The following CPXM2 variants were observed in gnomAD, a reference collection of about 807,000 sequenced individuals.
CPXM2 encodes the protein inactive carboxypeptidase-like protein X2.
In CPXM2, 66 loss-of-function variants were observed where a neutral mutation model predicts 86.1. The observed-to-expected ratio is 0.77, with a 90% CI of 0.63 to 0.94. The LOEUF (loss-of-function observed/expected upper bound fraction) is 0.94, where lower values mean the gene tolerates loss of function less well. CPXM2 is among the 40% of genes least tolerant of loss of function. The pLI is 0.00. For synonymous variants in CPXM2, 388 were observed against 400.2 expected, an observed-to-expected ratio of 0.97 and a Z score of 0.36; for missense variants, 948 against 1,026.3, an observed-to-expected ratio of 0.92 and a Z score of 1.04.
At chr10:123,833,830 A>T (rs1848219392) in intron 4 of CPXM2, among the ~76,000 whole-genome samples, 1 of 152,150 alleles carries the variant, frequency 6.6e-6, no homozygotes, top group Non-Finnish European at 1.5e-5. Flanking sequence ...AAGATAGAGG[A>T]ATGGGGTAGG....
At chr10:123,748,435 G>A (rs1846009782) in intron 13 of CPXM2, among the ~76,000 whole-genome samples, 1 of 152,188 alleles carries the variant, frequency 6.6e-6, no homozygotes, top group South Asian at 2.1e-4. Flanking sequence ...ACACTTCGAA[G>A]CATCATGTTG....
At chr10:123,878,171 C>A (rs1945019029) in intron 2 of CPXM2, among the ~76,000 whole-genome samples, 1 of 152,076 alleles carries the variant, frequency 6.6e-6, no homozygotes, top group South Asian at 2.1e-4. Flanking sequence ...TCTAGGCCTG[C>A]GTTCCTAACG....
At chr10:123,817,871 A>G (rs949589378) in intron 4 of CPXM2, among the ~76,000 whole-genome samples, 6 of 152,238 alleles carry the variant, frequency 3.9e-5, no homozygotes, top group Non-Finnish European at 1.5e-5. Context: ...CCTGAAGGAC[A>G]GCACTGAAGG....
chr10:123,841,684 G>C (rs1188210320), intron 4 of CPXM2, among the ~76,000 whole-genome samples: 4 of 152,240 alleles, frequency 2.6e-5, no homozygotes, highest in African/African-American at 9.6e-5. Context: ...GTGGCAGCAT[G>C]CCTTCCTCTT....
At chr10:123,880,665 T>A (rs529175518) in intron 1 of CPXM2, among the ~76,000 whole-genome samples, 43 of 151,614 alleles carry the variant, frequency 2.8e-4, no homozygotes, top group South Asian at 2.1e-3. Flanking sequence ...CTGTCTCTAC[T>A]AAAAATACAA....
At chr10:123,750,277 A>T in intron 13 of CPXM2, 1 of 985,410 alleles carries the variant, frequency 1.0e-6, no homozygotes, top group Non-Finnish European at 1.2e-6. Flanking sequence ...CCCCATTCAG[A>T]TAAGGGCTCA....
intron 12 of CPXM2, 126 bp downstream of exon 12, chr10:123,757,087 G>A: frequency 1.2e-6 from 1 of 840,940 alleles, no homozygotes; most frequent in Non-Finnish European, 2.0e-6. Flanking sequence ...GCTCCTCGCA[G>A]CACTGTGCTG....
chr10:123,937,695 C>A (rs1266222891), intron 2 of CPXM2, among the ~76,000 whole-genome samples: 1 of 152,118 alleles, frequency 6.6e-6, no homozygotes. Flanking sequence ...ATCCTGACTG[C>A]TTGTCTGAGA....
upstream of CPXM2, among the ~76,000 whole-genome samples, chr10:123,943,501 A>G (rs1945795938): frequency 6.6e-6 from 1 of 152,226 alleles, no homozygotes; most frequent in African/African-American, 2.4e-5. Context: ...GGTGAGCAGC[A>G]CGAGGTAGAT....
At chr10:123,837,195 C>T (rs543529125) in intron 4 of CPXM2, among the ~76,000 whole-genome samples, 23 of 152,334 alleles carry the variant, frequency 1.5e-4, no homozygotes, top group African/African-American at 4.8e-4. Context: ...AGAAAGCGAG[C>T]GTCTCAGGGC....
At chr10:123,826,916 GA>G (rs1162541118) in intron 4 of CPXM2, among the ~76,000 whole-genome samples, 2 of 151,974 alleles carry the variant, frequency 1.3e-5, no homozygotes, top group Non-Finnish European at 2.9e-5. Context: ...CGACATTAAT[GA>G]AAAAAATTAT....
At chr10:123,852,855 C>A (rs1301495227) in intron 3 of CPXM2, among the ~76,000 whole-genome samples, 1 of 152,198 alleles carries the variant, frequency 6.6e-6, no homozygotes, top group Non-Finnish European at 1.5e-5. Context: ...CCCATGACTA[C>A]CACTGCCAGC....
At chr10:123,762,254 G>C in intron 10 of CPXM2, 85 bp from the exon 11 acceptor site, 1 of 1,573,022 alleles carries the variant, frequency 6.4e-7, no homozygotes. Flanking sequence ...AGTCGAAAAA[G>C]CAGTGCTTTT....
chr10:123,890,304 A>G (rs1041991883), intron 1 of CPXM2, among the ~76,000 whole-genome samples: 9 of 152,232 alleles, frequency 5.9e-5, no homozygotes, highest in Non-Finnish European at 1.3e-4. Context: ...TTGTCCACAA[A>G]TGGAAGCATG....
intron 6 of CPXM2, among the ~76,000 whole-genome samples, chr10:123,790,887 G>A (rs141865365): frequency 6.6e-6 from 1 of 152,176 alleles, no homozygotes; most frequent in African/African-American, 2.4e-5. Flanking sequence ...CAGTTATGAA[G>A]AAGATGCACT....
chr10:123,877,536 T>A (rs1945007232), intron 2 of CPXM2, among the ~76,000 whole-genome samples: 3 of 152,206 alleles, frequency 2.0e-5, no homozygotes, highest in Admixed American at 1.3e-4. Context: ...CTTGTGGAGA[T>A]GCAAGAGGCC....
intron 6 of CPXM2, among the ~76,000 whole-genome samples, chr10:123,787,535 T>C (rs760386374): frequency 7.9e-5 from 12 of 152,118 alleles, no homozygotes; most frequent in African/African-American, 2.9e-4. Flanking sequence ...GGTTTCGCCA[T>C]GTTGGCCAGG....
chr10:123,835,975 C>T (rs188799769), intron 4 of CPXM2, among the ~76,000 whole-genome samples: 59 of 152,270 alleles, frequency 3.9e-4, no homozygotes, highest in Admixed American at 3.9e-3. Flanking sequence ...GCTCGGGCTC[C>T]CCGACGCCCT....
At chr10:123,877,536 T>C (rs1945007232) in intron 2 of CPXM2, among the ~76,000 whole-genome samples, 3 of 152,206 alleles carry the variant, frequency 2.0e-5, no homozygotes, top group Admixed American at 6.5e-5. Flanking sequence ...CTTGTGGAGA[T>C]GCAAGAGGCC....
Sources: allele counts gnomAD v4.1 joint callset (sites outside exome capture counted in the v4.1 genomes callset), GRCh38; gene constraint gnomAD v4.1.1; transcripts MANE v1.5; gene names NCBI Gene and HGNC (gene_info 2026-07-23, HGNC 2026-07-21).